ACOX3: variants seen among roughly 807,000 people sequenced by gnomAD.
ACOX3 encodes peroxisomal acyl-coenzyme A oxidase 3.
ACOX3 carries 73 observed loss-of-function variants against 81.5 expected under a neutral mutation model. That is an observed-to-expected ratio of 0.90 (90% confidence interval 0.74 to 1.09). ACOX3 has a LOEUF of 1.09. Among genes scored for constraint, ACOX3 ranks in the 50% least tolerant of loss-of-function variants. The pLI is 0.00. For missense variants in ACOX3, 947 were observed against 928.0 expected (o/e 1.02, Z -0.27); for synonymous variants, 387 against 375.1 (o/e 1.03, Z -0.37).
At chr4:8,418,561 G>C (rs1476654301) in intron 1 of ACOX3, among the ~76,000 whole-genome samples, 1 of 151,198 alleles carries the variant, frequency 6.6e-6, no homozygotes, top group Non-Finnish European at 1.5e-5. Flanking sequence ...TCCAAAGACA[G>C]ACAAATGGCC....
At chr4:8,410,743 G>T (rs564480073) in intron 5 of ACOX3, among the ~76,000 whole-genome samples, 35 of 152,338 alleles carry the variant, frequency 2.3e-4, no homozygotes, top group Admixed American at 1.6e-3. Flanking sequence ...TGGGAATGCC[G>T]TGCAGTCCAC....
At chr4:8,403,117 T>C (rs567471332) in intron 7 of ACOX3, among the ~76,000 whole-genome samples, 8 of 152,326 alleles carry the variant, frequency 5.3e-5, no homozygotes, top group Non-Finnish European at 1.2e-4. Flanking sequence ...CTAAAATTAA[T>C]CCACACAATT....
Position 8,410,217 on chromosome 4 carries a change from C to A in ACOX3, c.682G>T (p.Val228Leu). 1.2e-6 allele frequency: 2 copies of A among 1,613,862 alleles called. No homozygotes were observed. The highest frequency in any genetic ancestry group is 1.7e-6 in the Non-Finnish European group (2 of 1,179,852). Residue 228 changes from valine to leucine, a missense_variant, in exon 6 of 18, where the codon GTG becomes TTG. Coordinates refer to ENST00000356406, the MANE Select transcript of ACOX3 (RefSeq NM_003501.3). ...DQCHGLHPFI[V>L]QIRDPKTLLP... is the part of the protein sequence containing the mutation. Reference sequence around the variant, plus strand: ...GGGCCACCCCAGCGTCCTACCTGCACGATAAAGGGATGCAGCCCATGGCAC... The same window carrying A: ...GGGCCACCCCAGCGTCCTACCTGCAAGATAAAGGGATGCAGCCCATGGCAC...
chr4:8,410,447 G>A (rs1047183261), intron 5 of ACOX3, 92 bp from the exon 6 acceptor site: 154 of 1,493,324 alleles, frequency 1.0e-4, no homozygotes, highest in Middle Eastern at 1.8e-4. Context: ...CATTTTCTAC[G>A]TTCAAAATCT....
downstream of ACOX3, among the ~76,000 whole-genome samples, chr4:8,362,951 C>T (rs1006349358): frequency 3.3e-5 from 5 of 152,082 alleles, no homozygotes; most frequent in African/African-American, 1.2e-4. Context: ...TCAGTCTTAC[C>T]AAGATTTGTT....
chr4:8,387,873 CT>C (rs2108849011), intron 13 of ACOX3, among the ~76,000 whole-genome samples: 1 of 152,356 alleles, frequency 6.6e-6, no homozygotes, highest in South Asian at 2.1e-4. Context: ...CGGCTGGGTG[CT>C]TCTGTGTGGG....
Position 8,373,878 on chromosome 4 carries a change from C to A in ACOX3, c.1829-250G>T, listed in dbSNP as rs1716584330. 3 of 564,758 alleles carry A rather than the reference C, an allele frequency of 5.3e-6. No individual in the cohort carries two copies. The South Asian group carries it at 6.2e-5, about 12-fold the overall frequency. 35.0% of individuals were successfully genotyped at this position (564,758 alleles called of 1,614,324 possible). A position where few individuals can be genotyped will look rare whatever the true frequency, so the allele number is the denominator to read the frequency against. On this transcript the variant is annotated intron_variant, in intron 15 of 17. Transcript: ENST00000356406. ...CCCGCGGCAGCGAGGGAGGCAAGGT[C>A]CCAGGCTCAGAGGTGACAGGTGGCC...
chr4:8,411,935 C>T (rs567951915), intron 5 of ACOX3, among the ~76,000 whole-genome samples: 16 of 152,364 alleles, frequency 1.1e-4, no homozygotes, highest in African/African-American at 3.1e-4. Context: ...ATCCTGGGCA[C>T]CCCAACTCTA....
At chr4:8,377,869 C>T (rs368000436) in intron 14 of ACOX3, among the ~76,000 whole-genome samples, 30 of 152,330 alleles carry the variant, frequency 2.0e-4, no homozygotes, top group South Asian at 8.3e-4. Flanking sequence ...CCCACAGCTA[C>T]GGTTAGGGCT....
the ACOX3 span, chr4:8,356,257 G>A: frequency 3.0e-6 from 1 of 338,674 alleles, no homozygotes; most frequent in Non-Finnish European, 5.9e-6. Flanking sequence ...CCATCCAGGA[G>A]CCTGCCCTAG....
chr4:8,369,898 C>A (rs1715948994), intron 17 of ACOX3, among the ~76,000 whole-genome samples: 1 of 152,206 alleles, frequency 6.6e-6, no homozygotes, highest in Non-Finnish European at 1.5e-5. Flanking sequence ...AGGCATGGGA[C>A]ATGAGCATTG....
Position 8,389,745 on chromosome 4 carries a change from GC to G in ACOX3, c.1301-12del, listed in dbSNP as rs1351389814. The G allele has an allele frequency of 2.5e-6, 4 of 1,613,558 alleles. No homozygotes were observed. Among genetic ancestry groups the G allele is most frequent in the Non-Finnish European group, 3.4e-6 (4 of 1,179,856 alleles). ...CACCCAACCGGTTCACTGCAACAAA[GC>G]CACAATAGTACCATCATTTAAGACG... On this transcript the variant is annotated splice_polypyrimidine_tract_variant and intron_variant, in intron 11 of 17. Coordinates refer to ENST00000356406, the MANE Select transcript of ACOX3 (RefSeq NM_003501.3). The surrounding 1 kb of genome is among the most constrained non-coding windows in gnomAD (Gnocchi z 5.3).
At chr4:8,408,455 G>A (rs1164637810) in intron 6 of ACOX3, among the ~76,000 whole-genome samples, 5 of 152,102 alleles carry the variant, frequency 3.3e-5, no homozygotes, top group Non-Finnish European at 7.4e-5. Context: ...GTGCAGTGGC[G>A]AGAGGGGCGA....
chr4:8,380,189 CTTTTTTTT>C (rs11388749), intron 14 of ACOX3, among the ~76,000 whole-genome samples: 52 of 125,862 alleles, frequency 4.1e-4, no homozygotes, highest in Non-Finnish European at 1.3e-4. Context: ...ATATGGGTTC[CTTTTTTTT>C]TTTTTTTTTT....
chr4:8,416,759 C>T lies in ACOX3; in HGVS notation c.-14-224G>A, dbSNP rs1722393912. Reference sequence around the variant, plus strand: ...CTCCTGAACACAGATGCCAAGGACACAGAAGAGAGCCAGGCACAGCCTGGG... The same window carrying T: ...CTCCTGAACACAGATGCCAAGGACATAGAAGAGAGCCAGGCACAGCCTGGG... On this transcript the variant is annotated intron_variant, in intron 1 of 17. Coordinates refer to ENST00000356406, the MANE Select transcript of ACOX3 (RefSeq NM_003501.3). The surrounding 1 kb of genome is among the most constrained non-coding windows in gnomAD (Gnocchi z 4.2). 6.6e-6 allele frequency among the ~76,000 whole-genome samples: 1 copy of T among 152,244 alleles called. No individual in the cohort carries two copies.
At chr4:8,433,487 G>C in intron 1 of ACOX3, among the ~76,000 whole-genome samples, 1 of 152,206 alleles carries the variant, frequency 6.6e-6, no homozygotes, top group Non-Finnish European at 1.5e-5. Flanking sequence ...GAATAAATGC[G>C]TGTTGTTTTA....
At position 8,405,817 on chromosome 4, in the gene ACOX3, A is replaced by G; in HGVS notation, c.776+138T>C. ...CGTGGCCAGTGCATGCACGGGGGCTAGGCGTAGGTCCCCACCGCATTTGAG... is the reference window on the plus strand; with the variant it reads ...CGTGGCCAGTGCATGCACGGGGGCTGGGCGTAGGTCCCCACCGCATTTGAG... On this transcript the variant is annotated intron_variant, in intron 7 of 17. Transcript: ENST00000356406. This position sits in a 1 kb window ranked among gnomAD's most constrained non-coding sequence, Gnocchi z 7.1. 2 of 860,106 alleles carry G rather than the reference A, an allele frequency of 2.3e-6. No homozygotes were observed. Among genetic ancestry groups the G allele is most frequent in the Non-Finnish European group, 3.8e-6 (2 of 523,118 alleles). 53.3% of individuals were successfully genotyped at this position (860,106 alleles called of 1,614,324 possible). A position where few individuals can be genotyped will look rare whatever the true frequency, so the allele number is the denominator to read the frequency against.
intron 16 of ACOX3, among the ~76,000 whole-genome samples, chr4:8,371,977 G>C (rs747583): frequency 0.53 from 80,232 of 152,180 alleles, 21,445 homozygotes; most frequent in Middle Eastern, 0.63. Context: ...TCTAGTGGAT[G>C]GCTGGCAACT....
In ACOX3 at chr4:8,367,093, C is replaced by T. The variant is rs760471907; in HGVS notation, c.1984-13G>A. 4.8e-5 allele frequency: 77 copies of T among 1,612,442 alleles called. No individual in the cohort carries two copies. Among genetic ancestry groups the T allele is most frequent in the East Asian group, 4.2e-4 (19 of 44,854 alleles). On this transcript the variant is annotated splice_polypyrimidine_tract_variant and intron_variant, in intron 17 of 17. Coordinates refer to ENST00000356406, the MANE Select transcript of ACOX3 (RefSeq NM_003501.3). The stretch of plus-strand genomic sequence containing the variant: ...GGTTTTTGTAGAGCTGCAAACAACA[C>T]GTACACAGCAAGTGAAGACAAAGAA...
Sources: gnomAD v4.1 joint callset for allele counts (sites outside exome capture counted in the v4.1 genomes callset) on GRCh38, gnomAD v4.1.1 for gene constraint, Gnocchi (gnomAD v3.1) non-coding constraint, MANE v1.5 for transcripts, NCBI Gene and HGNC (gene_info 2026-07-23, HGNC 2026-07-21) for gene names.